The following IL13RA1 variants were observed in gnomAD, a reference collection of about 807,000 sequenced individuals.
IL13RA1 encodes interleukin 13 receptor subunit alpha 1, also known as interleukin-13 receptor subunit alpha-1.
In IL13RA1, 14 loss-of-function variants were observed where a neutral mutation model predicts 33.8. The observed-to-expected ratio is 0.41, with a 90% confidence interval of 0.27 to 0.65. IL13RA1 has a LOEUF of 0.65. Among genes scored for constraint, IL13RA1 ranks in the 30% least tolerant of loss-of-function variants. The pLI is 0.28. For missense variants in IL13RA1, 313 were observed against 327.0 expected (o/e 0.96, Z 0.33); for synonymous variants, 116 against 115.7 (o/e 1.00, Z -0.02).
intron 10 of IL13RA1, among the ~76,000 whole-genome samples, chrX:118,784,412 A>G (rs1336259260): frequency 9.1e-6 from 1 of 110,358 alleles, no homozygotes; most frequent in African/African-American, 3.3e-5. Flanking sequence ...GTCATATTGA[A>G]TTGTATTTGA....
At chrX:118,768,071 G>C (rs933782624) in intron 8 of IL13RA1, among the ~76,000 whole-genome samples, 8 of 111,542 alleles carry the variant, frequency 7.2e-5, no homozygotes, top group African/African-American at 2.6e-4. Context: ...TAATATTTGA[G>C]GTATTGTCAG....
At chrX:118,802,833 A>G in the IL13RA1 span, among the ~76,000 whole-genome samples, 2 of 111,930 alleles carry the variant, frequency 1.8e-5, no homozygotes, top group South Asian at 7.5e-4. Flanking sequence ...CCAAAGGGAG[A>G]CAAAGATAGC....
chrX:118,748,111 A>C (rs2017430107), intron 3 of IL13RA1, among the ~76,000 whole-genome samples: 1 of 101,085 alleles, frequency 9.9e-6, no homozygotes, highest in African/African-American at 3.6e-5. Context: ...CATTATATGT[A>C]ATATATATAA....
intron 10 of IL13RA1, among the ~76,000 whole-genome samples, chrX:118,787,023 T>C: frequency 8.9e-6 from 1 of 112,378 alleles, no homozygotes; most frequent in South Asian, 3.7e-4. Context: ...CCTGTAACTA[T>C]CTCTAATTTG....
At chrX:118,771,009 A>G (rs1189455594) in intron 8 of IL13RA1, among the ~76,000 whole-genome samples, 3 of 111,093 alleles carry the variant, frequency 2.7e-5, no homozygotes, top group Non-Finnish European at 5.7e-5. Flanking sequence ...GGAATTACCC[A>G]CTTACTCTTG....
At position 118,738,390 on chromosome X, in the gene IL13RA1, T is replaced by G. The variant is rs1465593180; in HGVS notation, c.89-2627T>G. On this transcript the variant is annotated intron_variant, in intron 1 of 10. Transcript: ENST00000371666. ...CCACCTCCCTCCCTCCCTTGTCTAG[T>G]GATCCCCAGTGTCTATCATTTCCAT... is the stretch of plus-strand genomic sequence containing the variant. Among the ~76,000 whole-genome samples the G allele has an allele frequency of 8.1e-5, 9 of 111,374 alleles. No individual in the cohort carries two copies. In the Admixed American group the frequency reaches 8.6e-4, roughly 11 times the overall value.
intron 10 of IL13RA1, among the ~76,000 whole-genome samples, chrX:118,784,090 A>ATATATATATATATATATATAT (rs1200223891): frequency 1.6e-5 from 1 of 63,953 alleles, no homozygotes; most frequent in Non-Finnish European, 2.5e-5. Context: ...AAAAAAAAAA[A>ATATATATATATATATATATAT]ATATATATAT....
chrX:118,737,531 G>C (rs1478991785), intron 1 of IL13RA1, among the ~76,000 whole-genome samples: 1 of 111,372 alleles, frequency 9.0e-6, no homozygotes, highest in African/African-American at 3.3e-5. Flanking sequence ...AAAATCAAAA[G>C]ATATGGAGGA....
intron 10 of IL13RA1, among the ~76,000 whole-genome samples, chrX:118,777,055 A>G (rs763878885): frequency 1.2e-3 from 135 of 108,644 alleles, no homozygotes; most frequent in Non-Finnish European, 1.9e-3. Flanking sequence ...AAATACATTT[A>G]TAAGTTGTAC....
chrX:118,763,918 CTGTT>C (rs769970853), intron 6 of IL13RA1, among the ~76,000 whole-genome samples: 5 of 111,196 alleles, frequency 4.5e-5, no homozygotes, highest in East Asian at 2.8e-4. Context: ...GGAATTAACT[CTGTT>C]TGTACACTTG....
intron 4 of IL13RA1, among the ~76,000 whole-genome samples, chrX:118,749,989 G>GA (rs766184391): frequency 8.9e-6 from 1 of 111,859 alleles, no homozygotes; most frequent in South Asian, 3.7e-4. Flanking sequence ...TATATTACCA[G>GA]AAAAAATGTA....
At chrX:118,731,016 A>G (rs1261350921) in intron 1 of IL13RA1, among the ~76,000 whole-genome samples, 3 of 112,553 alleles carry the variant, frequency 2.7e-5, no homozygotes, top group Admixed American at 9.4e-5. Context: ...AGCAAAAGCT[A>G]TAAGCTAAGC....
chrX:118,800,245 G>A, the IL13RA1 span, among the ~76,000 whole-genome samples: 1 of 110,819 alleles, frequency 9.0e-6, no homozygotes, highest in East Asian at 2.9e-4. Flanking sequence ...AATAAAAGCA[G>A]GCTGCCTGAG....
At chrX:118,804,461 G>C in the IL13RA1 span, among the ~76,000 whole-genome samples, 1 of 108,609 alleles carries the variant, frequency 9.2e-6, no homozygotes, top group Non-Finnish European at 1.9e-5. Context: ...TATGTCTACG[G>C]AATGTTTTTG....
chrX:118,735,647 A>G lies in IL13RA1; in HGVS notation c.89-5370A>G, dbSNP rs974814050. ...ACTGCAACCTCTGCCTCCCAGGTTCAAGCGATGCTCCTGCCTCAGCCACCC... is the reference window on the plus strand; with the variant it reads ...ACTGCAACCTCTGCCTCCCAGGTTCGAGCGATGCTCCTGCCTCAGCCACCC... On this transcript the variant is annotated intron_variant, in intron 1 of 10. Coordinates refer to ENST00000371666, the MANE Select transcript of IL13RA1 (RefSeq NM_001560.3). 7.2e-5 allele frequency among the ~76,000 whole-genome samples: 8 copies of G among 111,865 alleles called. No individual in the cohort carries two copies. In the Admixed American group the frequency reaches 7.6e-4, roughly 11 times the overall value.
chrX:118,759,040 C>T (rs1412750850), intron 5 of IL13RA1: 2 of 111,856 alleles, frequency 1.8e-5, no homozygotes, highest in African/African-American at 6.5e-5. Context: ...TAATCTGTCT[C>T]TTAGAAAAGG....
chrX:118,789,479 A>G (rs774397470), intron 10 of IL13RA1, among the ~76,000 whole-genome samples: 4 of 111,953 alleles, frequency 3.6e-5, no homozygotes, highest in Admixed American at 1.9e-4. Context: ...TCTTAATTTT[A>G]CAGTCAGGTT....
Position 118,757,262 on chromosome X carries a change from G to A in IL13RA1, c.489-793G>A, listed in dbSNP as rs983265969. On this transcript the variant is annotated intron_variant, in intron 4 of 10. Coordinates refer to ENST00000371666, the MANE Select transcript of IL13RA1 (RefSeq NM_001560.3). ...AAGGAACAATCTAGGCTGGGTGCAG[G>A]GGCTCACGCCTGTAATCCCAGCAGT... is the stretch of plus-strand genomic sequence containing the variant. 5.4e-5 allele frequency among the ~76,000 whole-genome samples: 6 copies of A among 111,378 alleles called. No homozygotes were observed. In the Admixed American group the frequency reaches 5.7e-4, roughly 11 times the overall value.
At chrX:118,759,831 G>A (rs746384609) in intron 5 of IL13RA1, among the ~76,000 whole-genome samples, 7 of 111,088 alleles carry the variant, frequency 6.3e-5, no homozygotes, top group Non-Finnish European at 1.1e-4. Context: ...GGAATGCAGT[G>A]GCGTGATCAC....
Sources: gnomAD v4.1 joint callset for allele counts (sites outside exome capture counted in the v4.1 genomes callset) on GRCh38, gnomAD v4.1.1 for gene constraint, MANE v1.5 for transcripts, NCBI Gene and HGNC (gene_info 2026-07-23, HGNC 2026-07-21) for gene names.